Variants in PIK3C3 observed in about 807,000 individuals in gnomAD.
The protein encoded by PIK3C3 is PI3-kinase type 3.
PIK3C3 carries 95 observed loss-of-function variants against 126.1 expected under a neutral mutation model. That is an observed-to-expected ratio of 0.75 (90% CI 0.64 to 0.89). The LOEUF is 0.89. Among genes scored for constraint, PIK3C3 ranks in the 40% least tolerant of loss-of-function variants. The pLI, the probability that PIK3C3 is intolerant of heterozygous loss-of-function variation, is 0.00. For missense variants in PIK3C3, 829 were observed against 1,063.2 expected, an observed-to-expected ratio of 0.78 and a Z score of 3.06; for synonymous variants, 374 against 360.0, an observed-to-expected ratio of 1.04 and a Z score of -0.44.
intron 24 of PIK3C3, among the ~76,000 whole-genome samples, chr18:42,073,286 A>G (rs140705884): frequency 6.6e-6 from 1 of 152,214 alleles, no homozygotes; most frequent in Non-Finnish European, 1.5e-5. Flanking sequence ...ACCTGATTCT[A>G]TAGTCACTTA....
At position 42,040,657 on chromosome 18, in the gene PIK3C3, G is replaced by A. The variant is rs112024828; in HGVS notation, c.2039-20G>A. 273 of 1,568,300 alleles carry A rather than the reference G, an allele frequency of 1.7e-4. No individual in the cohort carries two copies. The highest frequency in any genetic ancestry group is 2.2e-4 in the Non-Finnish European group (252 of 1,141,700). On this transcript the variant is annotated intron_variant, in intron 18 of 24. Coordinates refer to ENST00000262039, the MANE Select transcript of PIK3C3 (RefSeq NM_002647.4). Reference sequence around the variant, plus strand: ...TTAACCAGTAGCTATGCTTAATGCAGTGCATACATTTCTGTGTAGGCTTCA... The same window carrying A: ...TTAACCAGTAGCTATGCTTAATGCAATGCATACATTTCTGTGTAGGCTTCA...
intron 24 of PIK3C3, among the ~76,000 whole-genome samples, chr18:42,071,548 T>C (rs562748358): frequency 5.9e-5 from 9 of 151,922 alleles, no homozygotes; most frequent in Non-Finnish European, 1.0e-4. Context: ...GGTGAAACCC[T>C]GTCTCTACTA....
At chr18:42,070,664 GT>G (rs1985737033) in intron 24 of PIK3C3, 1 of 152,074 alleles carries the variant, frequency 6.6e-6, no homozygotes, top group South Asian at 2.1e-4. Flanking sequence ...TAAAACATCT[GT>G]TTTTGATATA....
intron 7 of PIK3C3, 54 bp from the exon 8 acceptor site, chr18:41,995,836 T>C (rs1301897815): frequency 8.0e-7 from 1 of 1,251,956 alleles, no homozygotes; most frequent in African/African-American, 1.5e-5. Flanking sequence ...GAATAGCTTT[T>C]GAAATTTCCT....
intron 9 of PIK3C3, among the ~76,000 whole-genome samples, chr18:42,001,735 G>C (rs748802372): frequency 6.6e-6 from 1 of 152,094 alleles, no homozygotes; most frequent in East Asian, 1.9e-4. Context: ...CTAAGTTTTA[G>C]ATTGTTTCAG....
intron 9 of PIK3C3, among the ~76,000 whole-genome samples, chr18:41,998,441 G>A (rs886309704): frequency 1.3e-5 from 2 of 152,134 alleles, no homozygotes; most frequent in African/African-American, 4.8e-5. Flanking sequence ...CTGTTAGAAT[G>A]TATAGGTTTA....
chr18:42,026,698 A>G (rs1983586259), intron 13 of PIK3C3: 1 of 152,086 alleles, frequency 6.6e-6, no homozygotes, highest in South Asian at 2.1e-4. Flanking sequence ...AGGCCTCCCA[A>G]AACACTGGGA....
chr18:42,015,458 CTT>C lies in PIK3C3; in HGVS notation c.1326-15_1326-14del. The C allele has an allele frequency of 6.3e-7, 1 of 1,588,622 alleles. No homozygotes were observed. The highest frequency in any genetic ancestry group is 8.6e-7 in the Non-Finnish European group (1 of 1,157,398). The stretch of plus-strand genomic sequence containing the variant: ...AGAGTATTTTACATCTCAGTGATCT[CTT>C]TTATTACTTTTTCAGCTCCCAAATT... On this transcript the variant is annotated splice_polypyrimidine_tract_variant and intron_variant, in intron 11 of 24. Transcript: ENST00000262039.
chr18:42,086,238 T>TTACCTCAGTTTATGTC lies in PIK3C3; in HGVS notation c.*5103_*5118dup, dbSNP rs1337950673. On this transcript the variant is annotated 3_prime_UTR_variant, in exon 25 of 25. Coordinates refer to ENST00000262039, the MANE Select transcript of PIK3C3 (RefSeq NM_002647.4). The stretch of plus-strand genomic sequence containing the variant: ...CCTTATATCATTTATCTTATGTCCT[T>TTACCTCAGTTTATGTC]TACCTCAGTTTATGTCTGTCACCAC... The TTACCTCAGTTTATGTC allele has an allele frequency of 6.6e-6, 1 of 152,184 alleles. No homozygotes were observed. Among genetic ancestry groups the TTACCTCAGTTTATGTC allele is most frequent in the Non-Finnish European group, 1.5e-5 (1 of 68,066 alleles). 9.4% of individuals were successfully genotyped at this position (152,184 alleles called of 1,614,324 possible). A position where few individuals can be genotyped will look rare whatever the true frequency, so the allele number is the denominator to read the frequency against.
chr18:42,063,357 G>A (rs903470526), intron 22 of PIK3C3, among the ~76,000 whole-genome samples: 1 of 152,156 alleles, frequency 6.6e-6, no homozygotes, highest in Non-Finnish European at 1.5e-5. Flanking sequence ...TGGATATAGT[G>A]AGTACTAAGT....
intron 4 of PIK3C3, among the ~76,000 whole-genome samples, chr18:41,984,490 C>G (rs1981368390): frequency 6.6e-6 from 1 of 152,070 alleles, no homozygotes; most frequent in Non-Finnish European, 1.5e-5. Flanking sequence ...AATTATTTCA[C>G]TTACATTGAG....
Position 42,068,834 on chromosome 18 carries a change from C to T in PIK3C3, c.2649+1321C>T, listed in dbSNP as rs1222869761. Reference sequence around the variant, plus strand: ...GTGTGATGGCGGGCGCCTGTAGTCCCAGCTACTCAGGAGGCTGAGGCAGGA... The same window carrying T: ...GTGTGATGGCGGGCGCCTGTAGTCCTAGCTACTCAGGAGGCTGAGGCAGGA... On this transcript the variant is annotated intron_variant, in intron 24 of 24. Transcript: ENST00000262039. Among the ~76,000 whole-genome samples, 5 of 151,812 alleles carry T rather than the reference C, an allele frequency of 3.3e-5. No individual in the cohort carries two copies. The East Asian group carries it at 9.8e-4, about 30-fold the overall frequency.
chr18:41,975,101 A>C (rs1003795803), intron 4 of PIK3C3, among the ~76,000 whole-genome samples: 1 of 152,190 alleles, frequency 6.6e-6, no homozygotes, highest in Non-Finnish European at 1.5e-5. Flanking sequence ...TGCAGGGAAG[A>C]TGTGGTAAGA....
At chr18:42,078,115 C>T (rs1433673379) in intron 24 of PIK3C3, among the ~76,000 whole-genome samples, 8 of 152,040 alleles carry the variant, frequency 5.3e-5, no homozygotes, top group East Asian at 1.9e-4. Context: ...CGGTGGCTCA[C>T]GCCTGTAATC....
intron 22 of PIK3C3, among the ~76,000 whole-genome samples, chr18:42,060,701 C>G (rs960159829): frequency 6.6e-6 from 1 of 151,984 alleles, no homozygotes. Context: ...TGCTTGAACC[C>G]GAGAGGCAGA....
intron 1 of PIK3C3, among the ~76,000 whole-genome samples, chr18:41,957,302 A>G (rs1042884979): frequency 6.6e-6 from 1 of 152,200 alleles, no homozygotes; most frequent in African/African-American, 2.4e-5. Flanking sequence ...ATTCAGAAGT[A>G]TAAAATAGAG....
At chr18:42,078,609 C>T (rs1353240060) in intron 24 of PIK3C3, among the ~76,000 whole-genome samples, 1 of 150,402 alleles carries the variant, frequency 6.6e-6, no homozygotes, top group East Asian at 1.9e-4. Context: ...GCTTTGAATC[C>T]AGACATTGAC....
chr18:41,998,411 A>T (rs1375858504), intron 9 of PIK3C3, among the ~76,000 whole-genome samples: 1 of 152,182 alleles, frequency 6.6e-6, no homozygotes, highest in African/African-American at 2.4e-5. Context: ...TTAAATACAC[A>T]GCTAGATATT....
intron 15 of PIK3C3, among the ~76,000 whole-genome samples, chr18:42,033,557 G>T (rs1159391872): frequency 6.6e-6 from 1 of 152,174 alleles, no homozygotes. Flanking sequence ...TTCTTTGTCA[G>T]CTTTAGCAAG....
Sources: gnomAD v4.1 joint callset for allele counts (sites outside exome capture counted in the v4.1 genomes callset) on GRCh38, gnomAD v4.1.1 for gene constraint, MANE v1.5 for transcripts, NCBI Gene and HGNC (gene_info 2026-07-23, HGNC 2026-07-21) for gene names.